XPO6: variants seen among roughly 807,000 people sequenced by gnomAD.
XPO6 encodes the protein exportin-6.
XPO6 carries 3 observed loss-of-function variants against 130.0 expected under a neutral mutation model. The ratio of observed to expected loss-of-function variants is 0.02; its 90% CI spans 0.01 to 0.06. The LOEUF (loss-of-function observed/expected upper bound fraction) is 0.06, where lower values mean the gene tolerates loss of function less well. Ranked by LOEUF, XPO6 falls within the 10% of genes least tolerant of loss-of-function variation. The pLI, the probability that XPO6 is intolerant of heterozygous loss-of-function variation, is 1.00. For synonymous variants in XPO6, 524 were observed against 548.9 expected (o/e 0.95, Z 0.63); for missense variants, 970 against 1,393.0 (o/e 0.70, Z 4.83).
At chr16:28,144,609 A>G (rs1182815849) in intron 9 of XPO6, among the ~76,000 whole-genome samples, 4 of 152,214 alleles carry the variant, frequency 2.6e-5, no homozygotes, top group Non-Finnish European at 5.9e-5. Context: ...ATAAAACCTC[A>G]GCAATGGAAA....
chr16:28,146,248 C>CTA, intron 8 of XPO6, 45 bp from the exon 9 acceptor site: 2 of 1,348,058 alleles, frequency 1.5e-6, no homozygotes, highest in Non-Finnish European at 2.1e-6. Context: ...TTTAATGCTA[C>CTA]TATTCCTTAG....
chr16:28,130,907 T>A (rs184829277), intron 12 of XPO6, among the ~76,000 whole-genome samples: 48 of 152,096 alleles, frequency 3.2e-4, no homozygotes, highest in African/African-American at 1.1e-3. Context: ...CACTGAAGGG[T>A]CAGTGTGGGG....
chr16:28,103,707 C>T (rs372174807), intron 21 of XPO6, among the ~76,000 whole-genome samples: 1 of 152,256 alleles, frequency 6.6e-6, no homozygotes, highest in East Asian at 1.9e-4. Flanking sequence ...CCTGAGGCCT[C>T]GGTGGGTGCC....
At chr16:28,201,884 T>C (rs1191664837) in intron 1 of XPO6, among the ~76,000 whole-genome samples, 1 of 152,152 alleles carries the variant, frequency 6.6e-6, no homozygotes, top group Admixed American at 6.6e-5. Context: ...AATAATGTAG[T>C]CTTGTCATTC....
intron 9 of XPO6, among the ~76,000 whole-genome samples, chr16:28,138,402 T>C (rs2141774019): frequency 6.6e-6 from 1 of 152,302 alleles, no homozygotes; most frequent in African/African-American, 2.4e-5. Context: ...AGACTTTCTA[T>C]GCAAATGTAA....
intron 13 of XPO6, among the ~76,000 whole-genome samples, chr16:28,123,923 A>ATTTTATTCT (rs1001775382): frequency 6.6e-6 from 1 of 152,236 alleles, no homozygotes; most frequent in Non-Finnish European, 1.5e-5. Flanking sequence ...AAATGAAGAC[A>ATTTTATTCT]AAATATTAAT....
chr16:28,154,234 C>T (rs1382584663), intron 7 of XPO6: 6 of 750,658 alleles, frequency 8.0e-6, no homozygotes, highest in African/African-American at 2.2e-5. Context: ...GGAAGGTGCA[C>T]TCAATTCCCT....
intron 15 of XPO6, among the ~76,000 whole-genome samples, chr16:28,116,187 C>T (rs548394724): frequency 3.9e-5 from 6 of 152,280 alleles, no homozygotes; most frequent in South Asian, 2.1e-4. Flanking sequence ...CCAGGCCGGG[C>T]GCGGTGGCTC....
chr16:28,172,458 C>G (rs28563991), intron 4 of XPO6, among the ~76,000 whole-genome samples: 151,391 of 152,284 alleles, frequency 0.99, 75,264 homozygotes, highest in Middle Eastern at 1. Context: ...TCTAGCCCCA[C>G]GTACAATGTG....
chr16:28,127,390 T>A (rs532077944), intron 12 of XPO6, among the ~76,000 whole-genome samples: 2 of 152,282 alleles, frequency 1.3e-5, no homozygotes, highest in South Asian at 2.1e-4. Flanking sequence ...CAAGTCCATC[T>A]CCTTACTGAC....
intron 17 of XPO6, among the ~76,000 whole-genome samples, chr16:28,109,109 AAC>A (rs1316160970): frequency 6.6e-6 from 1 of 152,192 alleles, no homozygotes; most frequent in Non-Finnish European, 1.5e-5. Flanking sequence ...GCAAAAAACC[AAC>A]AGTCAAGAGA....
chr16:28,100,377 TG>T (rs1489206361), intron 23 of XPO6, among the ~76,000 whole-genome samples: 2 of 152,230 alleles, frequency 1.3e-5, no homozygotes, highest in Non-Finnish European at 2.9e-5. Flanking sequence ...TATTAGGATC[TG>T]GCCTCTAGAA....
rs202177234 is a variant in XPO6 at position 28,181,579 on chromosome 16, CA to C, written c.4-549del. ...CCAGGCTGGAGTATAGTGGTGCAAT[CA>C]TAGCTCACTGCAGCCTTGAATTCCT... On this transcript the variant is annotated intron_variant, in intron 1 of 23. Transcript: ENST00000304658. Among the ~76,000 whole-genome samples the C allele has an allele frequency of 4.5e-3, 673 of 149,804 alleles. 5 individuals are homozygous for C. Among genetic ancestry groups the C allele is most frequent in the African/African-American group, 0.016 (653 of 41,042 alleles).
At chr16:28,173,699 C>A (rs763473240) in intron 4 of XPO6, among the ~76,000 whole-genome samples, 5 of 152,212 alleles carry the variant, frequency 3.3e-5, no homozygotes, top group African/African-American at 4.8e-5. Context: ...ACGAAAGCTA[C>A]ATGAGGTTAA....
At chr16:28,123,965 T>C (rs1488250296) in intron 13 of XPO6, among the ~76,000 whole-genome samples, 9 of 152,082 alleles carry the variant, frequency 5.9e-5, no homozygotes, top group Admixed American at 3.9e-4. Flanking sequence ...GGCTTGGAAA[T>C]CTAAGCAGTG....
intron 1 of XPO6, among the ~76,000 whole-genome samples, chr16:28,182,149 C>A (rs185957665): frequency 1.4e-4 from 22 of 152,290 alleles, no homozygotes; most frequent in African/African-American, 5.3e-4. Context: ...TATCTCCCTT[C>A]CCCATATCCT....
chr16:28,198,741 T>C (rs2043907941), intron 1 of XPO6, among the ~76,000 whole-genome samples: 1 of 152,204 alleles, frequency 6.6e-6, no homozygotes. Context: ...TGCTGCAGTT[T>C]TGTTGTTTGT....
intron 1 of XPO6, among the ~76,000 whole-genome samples, chr16:28,182,541 G>A (rs940541655): frequency 6.6e-6 from 1 of 152,166 alleles, no homozygotes; most frequent in African/African-American, 2.4e-5. Context: ...GAGTGAGAGA[G>A]ACTTTCTTCC....
chr16:28,145,732 C>T (rs1424145808), intron 9 of XPO6, among the ~76,000 whole-genome samples: 1 of 152,148 alleles, frequency 6.6e-6, no homozygotes, highest in Non-Finnish European at 1.5e-5. Context: ...TTCTTCTCTA[C>T]AGGAACCCAC....
Sources: allele counts gnomAD v4.1 joint callset (sites outside exome capture counted in the v4.1 genomes callset), GRCh38; gene constraint gnomAD v4.1.1; transcripts MANE v1.5; gene names NCBI Gene and HGNC (gene_info 2026-07-23, HGNC 2026-07-21).